The following UNC13C variants were observed in gnomAD, a reference collection of about 807,000 sequenced individuals.
The protein encoded by UNC13C is unc-13 homolog C, also known as protein unc-13 homolog C.
A neutral mutation model predicts 245.4 loss-of-function variants in UNC13C; 174 were observed. The observed-to-expected ratio is 0.71, with a 90% CI of 0.63 to 0.80. The LOEUF is 0.80. Ranked by LOEUF, UNC13C falls within the 30% of genes least tolerant of loss-of-function variation. UNC13C has a pLI of 0.00. For synonymous variants in UNC13C, 992 were observed against 895.1 expected, an observed-to-expected ratio of 1.11 and a Z score of -1.93; for missense variants, 2,829 against 2,602.9, an observed-to-expected ratio of 1.09 and a Z score of -1.89.
chr15:53,884,783 C>G, the UNC13C span, among the ~76,000 whole-genome samples: 3 of 152,174 alleles, frequency 2.0e-5, no homozygotes, highest in South Asian at 6.2e-4. Flanking sequence ...TCCTGACAAC[C>G]TAAAGAAGGA....
rs1308182474 is a variant in UNC13C, at chr15:54,553,112, C to CTG, written c.5878-2319_5878-2318insGT. On this transcript the variant is annotated intron_variant, in intron 28 of 32. Coordinates refer to ENST00000260323, the MANE Select transcript of UNC13C (RefSeq NM_001080534.3). ...TACAATATATAATATATATTGTATT[C>CTG]TATATTACAATATATAATATATAGT... is the stretch of plus-strand genomic sequence containing the variant. 5.2e-4 allele frequency among the ~76,000 whole-genome samples: 41 copies of CTG among 78,902 alleles called. 3 individuals carry two copies. Among genetic ancestry groups the CTG allele is most frequent in the East Asian group, 2.4e-3 (7 of 2,940 alleles). 51.8% of individuals were successfully genotyped at this position (78,902 alleles called of 152,430 possible).
chr15:54,231,636 C>T (rs1214328464), intron 4 of UNC13C, among the ~76,000 whole-genome samples: 1 of 152,040 alleles, frequency 6.6e-6, no homozygotes, highest in African/African-American at 2.4e-5. Context: ...CAAATATTAG[C>T]ATTATATCTG....
In UNC13C at chr15:54,143,054, C is replaced by T. The variant is rs780235596; in HGVS notation, c.3006+14C>T. On this transcript the variant is annotated intron_variant, in intron 3 of 32. Transcript: ENST00000260323. ...GTGGATGAAAAGGTTTTAAATCATA[C>T]TTATTCTTCCCTCCTGAGGAATCTT... 1 of 1,608,030 alleles carries T rather than the reference C, an allele frequency of 6.2e-7. No individual in the cohort carries two copies. The highest frequency in any genetic ancestry group is 8.5e-7 in the Non-Finnish European group (1 of 1,176,584).
At chr15:53,945,875 A>G in the UNC13C span, among the ~76,000 whole-genome samples, 1 of 152,172 alleles carries the variant, frequency 6.6e-6, no homozygotes, top group Non-Finnish European at 1.5e-5. Flanking sequence ...CTTCCTATCC[A>G]TGAGTATGGA....
chr15:53,915,831 A>G, the UNC13C span, among the ~76,000 whole-genome samples: 2 of 152,214 alleles, frequency 1.3e-5, no homozygotes, highest in Non-Finnish European at 2.9e-5. Context: ...CTATTAGGGA[A>G]AACATCACAT....
At chr15:54,209,149 G>A (rs1033350053) in intron 4 of UNC13C, among the ~76,000 whole-genome samples, 2 of 152,104 alleles carry the variant, frequency 1.3e-5, no homozygotes, top group African/African-American at 4.8e-5. Context: ...GCTATATGGA[G>A]ATTTAAGCAC....
rs1184149270 is a variant in UNC13C at position 54,050,461 on chromosome 15, C to A, written c.2983+34575C>A. On this transcript the variant is annotated intron_variant, in intron 2 of 32. Transcript: ENST00000260323. ...CTGGGCTTGCTGAGCTAAAGTTGAT[C>A]TAAGCATCCAAGTCTTTGACCAAAT... The A allele has an allele frequency of 2.4e-5, 13 of 551,768 alleles. No homozygotes were observed. In the East Asian group the frequency reaches 6.3e-4, roughly 27 times the overall value. The allele number at this position is 551,768 out of a possible 1,614,324, so 34.2% of individuals were successfully genotyped here.
At chr15:54,007,856 G>A (rs1193434380) in intron 1 of UNC13C, among the ~76,000 whole-genome samples, 1 of 152,172 alleles carries the variant, frequency 6.6e-6, no homozygotes, top group Non-Finnish European at 1.5e-5. Flanking sequence ...ACAAGCGTGA[G>A]TCCTGAGGCC....
chr15:54,467,149 G>A (rs1040607514), intron 19 of UNC13C, among the ~76,000 whole-genome samples: 5 of 151,816 alleles, frequency 3.3e-5, no homozygotes, highest in African/African-American at 9.7e-5. Context: ...AAATACAGCT[G>A]TGAACAAGAT....
chr15:54,314,369 A>G (rs1310148087), intron 13 of UNC13C, among the ~76,000 whole-genome samples: 7 of 151,836 alleles, frequency 4.6e-5, no homozygotes, highest in African/African-American at 1.7e-4. Context: ...CAGCCATTCC[A>G]TATTGTATAC....
intron 26 of UNC13C, among the ~76,000 whole-genome samples, chr15:54,538,763 C>T (rs1896113403): frequency 6.7e-6 from 1 of 149,306 alleles, no homozygotes; most frequent in African/African-American, 2.6e-5. Flanking sequence ...CCAAATACTG[C>T]ATGTTCTCAC....
At chr15:54,029,845 A>T in intron 2 of UNC13C, among the ~76,000 whole-genome samples, 2 of 152,276 alleles carry the variant, frequency 1.3e-5, no homozygotes, top group South Asian at 4.1e-4. Context: ...GCATATGGTC[A>T]TGCTCAGCTT....
chr15:54,312,723 C>T (rs2140965566), intron 13 of UNC13C, among the ~76,000 whole-genome samples: 1 of 151,800 alleles, frequency 6.6e-6, no homozygotes, highest in East Asian at 2.0e-4. Context: ...AGTCCATTAG[C>T]ATGAAATAGG....
At chr15:54,555,317 G>A (rs1897041610) in intron 28 of UNC13C, 115 bp from the exon 29 acceptor site, 2 of 745,876 alleles carry the variant, frequency 2.7e-6, no homozygotes, top group Admixed American at 4.8e-5. Flanking sequence ...TTCAGGTGCA[G>A]AAGATATTTC....
chr15:54,255,971 G>A (rs1332331828), intron 8 of UNC13C, among the ~76,000 whole-genome samples: 3 of 152,180 alleles, frequency 2.0e-5, no homozygotes, highest in Non-Finnish European at 4.4e-5. Flanking sequence ...AGACTAAGAG[G>A]ATGAATATGC....
intron 4 of UNC13C, among the ~76,000 whole-genome samples, chr15:54,179,081 A>G (rs2033711703): frequency 6.6e-6 from 1 of 152,152 alleles, no homozygotes; most frequent in Admixed American, 6.6e-5. Flanking sequence ...ATGAAGCACC[A>G]ACCCAGCCAA....
At chr15:53,946,235 T>C in the UNC13C span, among the ~76,000 whole-genome samples, 1 of 152,162 alleles carries the variant, frequency 6.6e-6, no homozygotes, top group Admixed American at 6.5e-5. Context: ...TTCTTTATCT[T>C]GACTGATTGC....
At chr15:53,845,265 C>T in the UNC13C span, among the ~76,000 whole-genome samples, 1 of 147,768 alleles carries the variant, frequency 6.8e-6, no homozygotes, top group African/African-American at 2.5e-5. Flanking sequence ...GCTGAGGTTG[C>T]AGTGAGCTGA....
At chr15:54,439,153 C>G (rs916167811) in intron 19 of UNC13C, among the ~76,000 whole-genome samples, 2 of 151,948 alleles carry the variant, frequency 1.3e-5, no homozygotes, top group African/African-American at 2.4e-5. Flanking sequence ...CAACGCATCT[C>G]TCTCACAATC....
Sources: allele counts gnomAD v4.1 joint callset (sites outside exome capture counted in the v4.1 genomes callset), GRCh38; gene constraint gnomAD v4.1.1; transcripts MANE v1.5; gene names NCBI Gene and HGNC (gene_info 2026-07-23, HGNC 2026-07-21).